The following FHAD1 variants were observed in gnomAD, a reference collection of about 807,000 sequenced individuals.
FHAD1 encodes forkhead-associated domain-containing protein 1.
In FHAD1, 146 loss-of-function variants were observed where a neutral mutation model predicts 191.3. That is an observed-to-expected ratio of 0.76 (90% CI 0.67 to 0.88). The LOEUF (loss-of-function observed/expected upper bound fraction) is 0.88. Ranked by LOEUF, FHAD1 falls within the 40% of genes least tolerant of loss-of-function variation. The probability of loss-of-function intolerance (pLI) is 0.00; values close to 1 mark genes in which losing one functional copy is unlikely to be tolerated. For synonymous variants in FHAD1, 616 were observed against 672.3 expected (o/e 0.92, Z 1.29); for missense variants, 1,635 against 1,785.8 (o/e 0.92, Z 1.52).
intron 33 of FHAD1, among the ~76,000 whole-genome samples, chr1:15,395,458 A>G (rs552070999): frequency 2.6e-4 from 39 of 152,258 alleles, no homozygotes; most frequent in Admixed American, 4.6e-4. Context: ...CTCCAGTGGT[A>G]TGACAAGAAG....
At chr1:15,326,795 G>C in intron 11 of FHAD1, 1 of 321,722 alleles carries the variant, frequency 3.1e-6, no homozygotes, top group Non-Finnish European at 5.7e-6. Flanking sequence ...CTCTTCTGAG[G>C]GTTTGAGACA....
chr1:15,360,382 C>T (rs1421406928), intron 21 of FHAD1, 96 bp from the exon 22 acceptor site: 16 of 1,086,664 alleles, frequency 1.5e-5, no homozygotes, highest in Admixed American at 2.2e-5. Flanking sequence ...TGGGGTGGGG[C>T]CCAGTTTAGC....
intron 2 of FHAD1, among the ~76,000 whole-genome samples, chr1:15,256,052 G>A (rs1162419830): frequency 6.6e-6 from 1 of 152,184 alleles, no homozygotes; most frequent in Non-Finnish European, 1.5e-5. Context: ...GGAATACCTC[G>A]GCCACCAGCC....
At chr1:15,356,010 A>G (rs1473303652) in intron 20 of FHAD1, among the ~76,000 whole-genome samples, 1 of 151,464 alleles carries the variant, frequency 6.6e-6, no homozygotes, top group Admixed American at 6.6e-5. Flanking sequence ...CACAGTTGCC[A>G]CTATCGACAT....
At chr1:15,348,783 T>G (rs1689807156) in intron 18 of FHAD1, among the ~76,000 whole-genome samples, 1 of 152,118 alleles carries the variant, frequency 6.6e-6, no homozygotes, top group South Asian at 2.1e-4. Context: ...GCCTCACCAC[T>G]GACAAAGGGT....
chr1:15,338,723 C>T (rs995602888), intron 14 of FHAD1, among the ~76,000 whole-genome samples: 2 of 152,118 alleles, frequency 1.3e-5, no homozygotes, highest in African/African-American at 2.4e-5. Context: ...TGGTCTTACT[C>T]GCTCACTCCA....
At chr1:15,238,186 A>C (rs370624037) in intron 1 of FHAD1, among the ~76,000 whole-genome samples, 1 of 142,618 alleles carries the variant, frequency 7.0e-6, no homozygotes, top group East Asian at 2.3e-4. Context: ...GGCAGAAGTT[A>C]TAGTGAGCCG....
chr1:15,347,230 T>G (rs1689228614), intron 18 of FHAD1, among the ~76,000 whole-genome samples: 1 of 152,016 alleles, frequency 6.6e-6, no homozygotes, highest in Non-Finnish European at 1.5e-5. Context: ...GTTACTTGAG[T>G]CAAATGCCCC....
intron 31 of FHAD1, chr1:15,383,369 A>G (rs1399582536): frequency 4.9e-6 from 2 of 411,816 alleles, no homozygotes; most frequent in Non-Finnish European, 9.8e-6. Flanking sequence ...CCCATGACCC[A>G]TGCTGCCCGT....
At chr1:15,287,426 A>G (rs572365194) in intron 3 of FHAD1, among the ~76,000 whole-genome samples, 1 of 152,294 alleles carries the variant, frequency 6.6e-6, no homozygotes, top group East Asian at 1.9e-4. Context: ...GAAACTTACA[A>G]TCATGGCAGA....
chr1:15,305,738 G>A lies in FHAD1; in HGVS notation c.916-2875G>A, dbSNP rs60016285. 6.4e-4 allele frequency: 284 copies of A among 443,902 alleles called. 2 individuals carry two copies. Among genetic ancestry groups the A allele is most frequent in the African/African-American group, 5.0e-3 (249 of 49,380 alleles). The allele number at this position is 443,902 out of a possible 1,614,324, so 27.5% of individuals were successfully genotyped here. A position where few individuals can be genotyped will look rare whatever the true frequency, so the allele number is the denominator to read the frequency against. ...AGGGGTTTCCGCTTTTGCTTCTTCC[G>A]CATTTTCTCTTGCCGCCGCCATGTA... On this transcript the variant is annotated intron_variant, in intron 6 of 33. Transcript: ENST00000688493.
chr1:15,314,887 C>CGTGTGGGGT (rs980570370), intron 8 of FHAD1, among the ~76,000 whole-genome samples: 95 of 70,978 alleles, frequency 1.3e-3, no homozygotes, highest in African/African-American at 4.4e-3. Context: ...TATGGGGGTG[C>CGTGTGGGGT]GTGTGGGGTG....
chr1:15,247,238 C>G lies in FHAD1; in HGVS notation c.-172C>G, dbSNP rs1358781882. The G allele has an allele frequency of 1.7e-5, 3 of 176,730 alleles. No homozygotes were observed. The highest frequency in any genetic ancestry group is 7.2e-5 in the African/African-American group (3 of 41,532). The allele number at this position is 176,730 out of a possible 1,614,324, so 10.9% of individuals were successfully genotyped here. On this transcript the variant is annotated 5_prime_UTR_variant, in exon 1 of 34. Coordinates refer to ENST00000688493, the MANE Select transcript of FHAD1 (RefSeq NM_001391957.1). Reference sequence around the variant, plus strand: ...GCCTGGCGGCGTTGCCATGGCAACGCGCGTACACAGGCCGGCCGGGCGGGC... The same window carrying G: ...GCCTGGCGGCGTTGCCATGGCAACGGGCGTACACAGGCCGGCCGGGCGGGC...
intron 6 of FHAD1, among the ~76,000 whole-genome samples, chr1:15,304,123 A>G (rs1162894128): frequency 6.6e-6 from 1 of 152,200 alleles, no homozygotes; most frequent in Non-Finnish European, 1.5e-5. Context: ...GGTCTCCTGA[A>G]AGTGTGTGCA....
chr1:15,394,097 C>T (rs540690003), intron 33 of FHAD1, among the ~76,000 whole-genome samples: 1 of 152,174 alleles, frequency 6.6e-6, no homozygotes, highest in Non-Finnish European at 1.5e-5. Flanking sequence ...GGGTGAGGCA[C>T]GTGGTTCCAA....
intron 19 of FHAD1, among the ~76,000 whole-genome samples, chr1:15,350,807 G>C (rs990095221): frequency 6.6e-6 from 1 of 152,216 alleles, no homozygotes; most frequent in African/African-American, 2.4e-5. Context: ...GGGCACAGCA[G>C]GGTGGGGGCT....
intron 2 of FHAD1, among the ~76,000 whole-genome samples, chr1:15,256,064 C>T (rs1387212013): frequency 6.6e-6 from 1 of 152,232 alleles, no homozygotes; most frequent in Non-Finnish European, 1.5e-5. Context: ...CCACCAGCCT[C>T]GCTCATTTCA....
At chr1:15,260,599 T>C (rs4420077) in intron 2 of FHAD1, among the ~76,000 whole-genome samples, 89,047 of 152,030 alleles carry the variant, frequency 0.59, 26,413 homozygotes, top group East Asian at 0.71. Context: ...CCGAGGCCTC[T>C]GTGTCCTCAC....
At position 15,316,326 on chromosome 1, in the gene FHAD1, A is replaced by T. The variant is rs1674438295; in HGVS notation, c.1171-52A>T. 6.8e-7 allele frequency: 1 copy of T among 1,460,550 alleles called. No homozygotes were observed. Among genetic ancestry groups the T allele is most frequent in the Admixed American group, 2.0e-5 (1 of 50,168 alleles). 90.5% of individuals were successfully genotyped at this position (1,460,550 alleles called of 1,614,324 possible). On this transcript the variant is annotated intron_variant, in intron 8 of 33. Coordinates refer to ENST00000688493, the MANE Select transcript of FHAD1 (RefSeq NM_001391957.1). This position sits in a 1 kb window ranked among gnomAD's most constrained non-coding sequence, Gnocchi z 4.3. Reference sequence around the variant, plus strand: ...CCTTGGAGCCCCTCCTTCCCCCGACAACCCTACCTGGCCAACGTTGGCCTC... The same window carrying T: ...CCTTGGAGCCCCTCCTTCCCCCGACTACCCTACCTGGCCAACGTTGGCCTC...
Sources: gnomAD v4.1 joint callset for allele counts (sites outside exome capture counted in the v4.1 genomes callset) on GRCh38, gnomAD v4.1.1 for gene constraint, Gnocchi (gnomAD v3.1) non-coding constraint, MANE v1.5 for transcripts, NCBI Gene and HGNC (gene_info 2026-07-23, HGNC 2026-07-21) for gene names.